The following LCOR variants were observed in gnomAD, a reference collection of about 807,000 sequenced individuals.
LCOR encodes ligand-dependent corepressor.
A neutral mutation model predicts 64.4 loss-of-function variants in LCOR; 14 were observed. The observed-to-expected ratio is 0.22, with a 90% CI of 0.14 to 0.34. LCOR has a LOEUF of 0.34. LCOR is among the 10% of genes least tolerant of loss of function. The pLI is 1.00. For missense variants in LCOR, 1,686 were observed against 1,765.3 expected, an observed-to-expected ratio of 0.96 and a Z score of 0.80; for synonymous variants, 643 against 642.5, an observed-to-expected ratio of 1.00 and a Z score of -0.01.
At chr10:96,973,340 T>C (rs556546378) in intron 7 of LCOR, among the ~76,000 whole-genome samples, 45 of 152,308 alleles carry the variant, frequency 3.0e-4, no homozygotes, top group African/African-American at 8.2e-4. Context: ...CCACACCCCA[T>C]GCCAACCTTC....
At chr10:96,920,445 T>TATATATTC (rs1491499129) in intron 4 of LCOR, among the ~76,000 whole-genome samples, 16 of 99,260 alleles carry the variant, frequency 1.6e-4, no homozygotes, top group African/African-American at 5.2e-4. Context: ...TATATATGTG[T>TATATATTC]ATATATATGT....
In LCOR at chr10:96,981,135, G is replaced by C. The variant is rs1564645349; in HGVS notation, c.675G>C (p.Lys225Asn). ...PLHLTEQTPKKPPPEINPVDG... is the reference protein window; with the variant it reads ...PLHLTEQTPKNPPPEINPVDG... ...ACTTGACGGAACAGACCCCGAAGAA[G>C]CCTCCTCCTGAGATAAACCCTGTAG... The change falls in exon 8 of 8, where the codon AAG (lysine) becomes AAC (asparagine). Residue 225 changes from lysine to asparagine, a missense_variant. Lys to Asn is a moderately conservative substitution (Grantham distance 94). Around this residue, in one of 3 missense-constraint regions of LCOR, gnomAD observed 313 missense variants for 247.2 expected, o/e 1.27. Transcript: ENST00000421806. 1 of 705,410 alleles carries C rather than the reference G, an allele frequency of 1.4e-6. No individual in the cohort carries two copies. Among genetic ancestry groups the C allele is most frequent in the Admixed American group, 2.0e-5 (1 of 50,010 alleles). The allele number at this position is 705,410 out of a possible 1,614,324, so 43.7% of individuals were successfully genotyped here. A position where few individuals can be genotyped will look rare whatever the true frequency, so the allele number is the denominator to read the frequency against.
intron 2 of LCOR, among the ~76,000 whole-genome samples, chr10:96,869,504 C>T (rs1023492569): frequency 2.6e-5 from 4 of 151,144 alleles, no homozygotes; most frequent in African/African-American, 7.3e-5. Context: ...TATGAGCCAT[C>T]GTACCTGGCC....
At chr10:96,936,179 T>G (rs1478891638) in intron 4 of LCOR, among the ~76,000 whole-genome samples, 1 of 152,254 alleles carries the variant, frequency 6.6e-6, no homozygotes, top group Non-Finnish European at 1.5e-5. Flanking sequence ...CCCACCAGCT[T>G]TTATTGGATC....
intron 2 of LCOR, among the ~76,000 whole-genome samples, chr10:96,895,027 C>G (rs570267035): frequency 6.6e-6 from 1 of 152,198 alleles, no homozygotes; most frequent in South Asian, 2.1e-4. Context: ...GTATTTGGTC[C>G]TGTTGCTTCC....
chr10:96,854,378 T>G (rs543362834), intron 2 of LCOR, among the ~76,000 whole-genome samples: 8 of 152,284 alleles, frequency 5.3e-5, no homozygotes, highest in Admixed American at 6.5e-5. Context: ...CAGGCTGGAG[T>G]GCAGTGGCGT....
At chr10:96,901,114 G>A (rs779566042) in intron 2 of LCOR, among the ~76,000 whole-genome samples, 4 of 151,912 alleles carry the variant, frequency 2.6e-5, no homozygotes, top group African/African-American at 7.3e-5. Context: ...GCATGAACCC[G>A]GGAGGCGGAG....
At chr10:96,892,835 G>A (rs915518521) in intron 2 of LCOR, among the ~76,000 whole-genome samples, 7 of 152,082 alleles carry the variant, frequency 4.6e-5, no homozygotes, top group African/African-American at 9.7e-5. Context: ...TAAAGCAAAT[G>A]TCTTGTGTAC....
rs562957258 is a variant in LCOR, at chr10:96,832,752, C to T, written c.-404+353C>T. On this transcript the variant is annotated intron_variant, in intron 1 of 7. Coordinates refer to ENST00000421806, the MANE Select transcript of LCOR (RefSeq NM_001346516.2). The stretch of plus-strand genomic sequence containing the variant: ...TCCAGGCCCGGCGCCCCGGCGCCGC[C>T]GCCGGCTTATTGTGGCGACTCGCCT... 3.3e-5 allele frequency among the ~76,000 whole-genome samples: 5 copies of T among 151,098 alleles called. No homozygotes were observed. In the East Asian group the frequency reaches 5.9e-4, roughly 18 times the overall value.
At chr10:96,941,480 G>A (rs1397298153) in intron 4 of LCOR, among the ~76,000 whole-genome samples, 1 of 135,512 alleles carries the variant, frequency 7.4e-6, no homozygotes, top group Non-Finnish European at 1.6e-5. Flanking sequence ...TTCCCAGTAG[G>A]GGCGGCCGGG....
chr10:96,855,144 T>G (rs1375718673), intron 2 of LCOR, among the ~76,000 whole-genome samples: 1 of 152,118 alleles, frequency 6.6e-6, no homozygotes, highest in Non-Finnish European at 1.5e-5. Context: ...TTGGTGGAGT[T>G]CTTGGGAAAG....
At chr10:96,956,103 C>T (rs1033330682) in intron 7 of LCOR, 9 of 1,422,836 alleles carry the variant, frequency 6.3e-6, no homozygotes, top group Non-Finnish European at 8.2e-6. Context: ...TTAAATTTTT[C>T]ATGTGCAGTA....
At chr10:96,864,981 G>A (rs907210461) in intron 2 of LCOR, among the ~76,000 whole-genome samples, 2 of 152,192 alleles carry the variant, frequency 1.3e-5, no homozygotes, top group African/African-American at 2.4e-5. Context: ...GTGGATTGGA[G>A]TAATAGAAAC....
At position 96,992,637 on chromosome 10, in the gene LCOR, G is replaced by A. The variant is rs1335607089; in HGVS notation, c.*7503G>A. The stretch of plus-strand genomic sequence containing the variant: ...GGTACATTTAGCTGTATGGCATCGG[G>A]TGTGCCCCACGCAGCCTACTTCTTG... On this transcript the variant is annotated 3_prime_UTR_variant, in exon 8 of 8. Coordinates refer to ENST00000421806, the MANE Select transcript of LCOR (RefSeq NM_001346516.2). The A allele has an allele frequency of 6.6e-6, 1 of 152,250 alleles. No individual in the cohort carries two copies. Among genetic ancestry groups the A allele is most frequent in the Non-Finnish European group, 1.5e-5 (1 of 68,068 alleles). 9.4% of individuals were successfully genotyped at this position (152,250 alleles called of 1,614,324 possible). A position where few individuals can be genotyped will look rare whatever the true frequency, so the allele number is the denominator to read the frequency against.
chr10:96,914,133 A>G (rs1328662391), intron 4 of LCOR, among the ~76,000 whole-genome samples: 1 of 152,134 alleles, frequency 6.6e-6, no homozygotes, highest in Non-Finnish European at 1.5e-5. Context: ...AATGTTTCTT[A>G]ATTTCTTCCA....
intron 4 of LCOR, among the ~76,000 whole-genome samples, chr10:96,916,328 GC>G (rs1846943916): frequency 6.6e-6 from 1 of 151,926 alleles, no homozygotes; most frequent in Admixed American, 6.6e-5. Flanking sequence ...ACCACACCCG[GC>G]CCCCTTGAAA....
chr10:96,872,302 G>A (rs1846085069), intron 2 of LCOR, among the ~76,000 whole-genome samples: 2 of 152,248 alleles, frequency 1.3e-5, no homozygotes, highest in African/African-American at 4.8e-5. Flanking sequence ...ACACAGTTTA[G>A]CCTTTGTCAC....
At chr10:96,882,408 G>C (rs1846278377) in intron 2 of LCOR, among the ~76,000 whole-genome samples, 1 of 152,190 alleles carries the variant, frequency 6.6e-6, no homozygotes, top group Admixed American at 6.5e-5. Context: ...TTGATGAGTA[G>C]TGGTGGGATT....
chr10:96,920,498 G>GTA (rs1243356759), intron 4 of LCOR, among the ~76,000 whole-genome samples: 1 of 96,592 alleles, frequency 1.0e-5, no homozygotes, highest in East Asian at 2.9e-4. Context: ...ATATATATGT[G>GTA]TATATATGTA....
Sources: allele counts gnomAD v4.1 joint callset (sites outside exome capture counted in the v4.1 genomes callset), GRCh38; gene constraint gnomAD v4.1.1; regional missense constraint gnomAD v4.1.1; transcripts MANE v1.5; gene names NCBI Gene and HGNC (gene_info 2026-07-23, HGNC 2026-07-21).